Variants in FERRY3 observed in about 807,000 individuals in gnomAD.
The protein encoded by FERRY3 is FERRY endosomal RAB5 effector complex subunit 3.
chr12:4,518,338 G>T, the FERRY3 span: 2 of 1,245,246 alleles, frequency 1.6e-6, no homozygotes, highest in Non-Finnish European at 2.3e-6. Flanking sequence ...TCTATGGCAA[G>T]AATCCAGATA....
At chr12:4,525,274 GTT>G in the FERRY3 span, 5 of 1,613,288 alleles carry the variant, frequency 3.1e-6, no homozygotes, top group South Asian at 5.5e-5. Flanking sequence ...TGTTGTTGGG[GTT>G]TTTTAGGTCT....
the FERRY3 span, chr12:4,535,961 G>A: frequency 7.4e-7 from 1 of 1,360,368 alleles, no homozygotes; most frequent in Non-Finnish European, 9.8e-7. The surrounding 1 kb of genome is among the most constrained non-coding windows in gnomAD (Gnocchi z 4.0). Flanking sequence ...AACTTCCAAT[G>A]ACAGACTATT....
the FERRY3 span, among the ~76,000 whole-genome samples, chr12:4,510,715 A>G: frequency 6.7e-6 from 1 of 148,736 alleles, no homozygotes; most frequent in Non-Finnish European, 1.5e-5. Flanking sequence ...TGTCACCACC[A>G]GGCCTGCCCT....
chr12:4,536,164 T>C, the FERRY3 span: 1 of 1,595,528 alleles, frequency 6.3e-7, no homozygotes, highest in South Asian at 1.1e-5. Context: ...TCTCTCTCTC[T>C]ATTGCAGAAT....
the FERRY3 span, among the ~76,000 whole-genome samples, chr12:4,507,460 T>C: frequency 3.3e-5 from 5 of 152,288 alleles, no homozygotes; most frequent in South Asian, 1.0e-3. Context: ...CTGGTAGAAA[T>C]ACTATACAGA....
At chr12:4,523,178 T>C in the FERRY3 span, among the ~76,000 whole-genome samples, 13 of 152,348 alleles carry the variant, frequency 8.5e-5, 1 homozygote, top group South Asian at 8.3e-4. Flanking sequence ...AAGGGTTCCA[T>C]ATATAGTTGT....
chr12:4,533,041 A>C, the FERRY3 span, among the ~76,000 whole-genome samples: 4 of 152,148 alleles, frequency 2.6e-5, no homozygotes, highest in Non-Finnish European at 5.9e-5. Flanking sequence ...AATATCCAAC[A>C]ATCTTTTTAT....
chr12:4,494,523 G>A, the FERRY3 span, among the ~76,000 whole-genome samples: 1 of 152,156 alleles, frequency 6.6e-6, no homozygotes, highest in Admixed American at 6.5e-5. Context: ...TATAATGTAA[G>A]GGTTACGATT....
the FERRY3 span, among the ~76,000 whole-genome samples, chr12:4,515,273 G>A: frequency 6.6e-6 from 1 of 152,128 alleles, no homozygotes; most frequent in African/African-American, 2.4e-5. Flanking sequence ...CCAGGATGGA[G>A]GTTTCTTAAA....
the FERRY3 span, among the ~76,000 whole-genome samples, chr12:4,493,095 T>C: frequency 6.6e-6 from 1 of 152,224 alleles, no homozygotes; most frequent in African/African-American, 2.4e-5. Flanking sequence ...CCAGCTTAAT[T>C]GCCATCTCCT....
the FERRY3 span, among the ~76,000 whole-genome samples, chr12:4,497,916 G>A: frequency 6.6e-6 from 1 of 152,246 alleles, no homozygotes; most frequent in East Asian, 1.9e-4. Context: ...AAATGCTTCG[G>A]GATGCTTGCA....
the FERRY3 span, among the ~76,000 whole-genome samples, chr12:4,517,706 TAG>T: frequency 7.3e-5 from 10 of 137,718 alleles, no homozygotes; most frequent in African/African-American, 3.0e-4. Context: ...TATATATATA[TAG>T]ACAGAGAGAG....
At chr12:4,504,838 C>T in the FERRY3 span, among the ~76,000 whole-genome samples, 69 of 152,230 alleles carry the variant, frequency 4.5e-4, no homozygotes, top group Middle Eastern at 0.01. Flanking sequence ...CATGGTGGCT[C>T]ACGCTTGTAA....
At chr12:4,517,061 C>A in the FERRY3 span, 6 of 1,542,124 alleles carry the variant, frequency 3.9e-6, no homozygotes, top group Non-Finnish European at 5.2e-6. Flanking sequence ...TTTTACCCAC[C>A]AAGTGATTCT....
chr12:4,508,443 A>G, the FERRY3 span, among the ~76,000 whole-genome samples: 7 of 152,208 alleles, frequency 4.6e-5, no homozygotes, highest in South Asian at 2.1e-4. Context: ...TCAGGTTTTT[A>G]TAAGAAATAA....
the FERRY3 span, among the ~76,000 whole-genome samples, chr12:4,492,773 A>G: frequency 6.6e-6 from 1 of 152,126 alleles, no homozygotes; most frequent in South Asian, 2.1e-4. Flanking sequence ...TATTTTAAGT[A>G]CATTTCTGAT....
the FERRY3 span, among the ~76,000 whole-genome samples, chr12:4,508,305 C>CT: frequency 6.6e-5 from 10 of 152,276 alleles, no homozygotes; most frequent in South Asian, 2.1e-4. Flanking sequence ...ACAATGGTTT[C>CT]TTTAAACACA....
the FERRY3 span, among the ~76,000 whole-genome samples, chr12:4,522,118 T>A: frequency 6.6e-6 from 1 of 152,322 alleles, no homozygotes; most frequent in East Asian, 1.9e-4. Flanking sequence ...ACCATCTTGC[T>A]GGGGGATGCT....
At chr12:4,508,182 A>AGGAAGAT in the FERRY3 span, among the ~76,000 whole-genome samples, 1 of 152,176 alleles carries the variant, frequency 6.6e-6, no homozygotes, top group African/African-American at 2.4e-5. Flanking sequence ...TCTGGGAGAG[A>AGGAAGAT]GGAAGATGGG....
Sources: gnomAD v4.1 joint callset for allele counts (sites outside exome capture counted in the v4.1 genomes callset) on GRCh38, gnomAD v4.1.1 for gene constraint, Gnocchi (gnomAD v3.1) non-coding constraint, MANE v1.5 for transcripts, NCBI Gene and HGNC (gene_info 2026-07-23, HGNC 2026-07-21) for gene names.